GARIN5A: variants seen among roughly 807,000 people sequenced by gnomAD.
GARIN5A encodes the protein golgi associated RAB2 interactor 5A, also known as Golgi-associated RAB2 interactor protein 5A.
the GARIN5A span, chr19:50,467,900 T>TC: frequency 6.9e-7 from 1 of 1,445,242 alleles, no homozygotes; most frequent in Non-Finnish European, 9.5e-7. Flanking sequence ...GGGTCAGGGG[T>TC]CCCCACCTTG....
chr19:50,476,282 T>C, the GARIN5A span: 12 of 1,606,084 alleles, frequency 7.5e-6, 1 homozygote, highest in South Asian at 3.3e-5. Context: ...TGTGACGTCA[T>C]GATGCGGAGC....
the GARIN5A span, chr19:50,475,501 G>C: frequency 1.9e-6 from 3 of 1,539,474 alleles, no homozygotes; most frequent in Admixed American, 3.6e-5. Flanking sequence ...TGTCGGGGCA[G>C]AACTGAGGAG....
chr19:50,472,443 T>C, the GARIN5A span, among the ~76,000 whole-genome samples: 1 of 152,058 alleles, frequency 6.6e-6, no homozygotes, highest in Non-Finnish European at 1.5e-5. Flanking sequence ...CTCAATGTTC[T>C]CACTTCAGTG....
the GARIN5A span, chr19:50,475,482 C>A: frequency 6.3e-7 from 1 of 1,585,112 alleles, no homozygotes; most frequent in Non-Finnish European, 8.6e-7. Context: ...GAGGTCGGGG[C>A]AGGATAGATG....
At chr19:50,467,481 C>G in the GARIN5A span, 2 of 982,638 alleles carry the variant, frequency 2.0e-6, no homozygotes, top group Non-Finnish European at 3.0e-6. Context: ...GCTCTCTCCT[C>G]TCTTAGACCT....
At chr19:50,471,792 A>G in the GARIN5A span, among the ~76,000 whole-genome samples, 7 of 149,432 alleles carry the variant, frequency 4.7e-5, no homozygotes, top group African/African-American at 1.5e-4. Context: ...ATACGCATAC[A>G]TGCATGTGTA....
chr19:50,476,743 AGGCTGCGCAG>A, the GARIN5A span: 1 of 850,236 alleles, frequency 1.2e-6, no homozygotes, highest in Non-Finnish European at 1.7e-6. Context: ...AGACGGAAGG[AGGCTGCGCAG>A]GGCTGAGAGG....
chr19:50,471,602 ATATATATGTGTGTATATATATGTGTG>A, the GARIN5A span, among the ~76,000 whole-genome samples: 29 of 152,112 alleles, frequency 1.9e-4, no homozygotes, highest in Non-Finnish European at 3.2e-4. Context: ...GGATGGATCC[ATATATATGTGTGTATATATATGTGTG>A]TATACATGTG....
chr19:50,475,667 C>T, the GARIN5A span, among the ~76,000 whole-genome samples: 1 of 152,038 alleles, frequency 6.6e-6, no homozygotes, highest in African/African-American at 2.4e-5. Flanking sequence ...CCAGGGTTCA[C>T]AAAGAATCTA....
the GARIN5A span, chr19:50,475,468 G>A: frequency 3.1e-6 from 5 of 1,597,672 alleles, no homozygotes; most frequent in South Asian, 4.5e-5. Flanking sequence ...GGGGCCAGAG[G>A]TCAGAGGTCG....
At chr19:50,467,536 C>G in the GARIN5A span, 1 of 1,467,710 alleles carries the variant, frequency 6.8e-7, no homozygotes, top group South Asian at 1.3e-5. Context: ...TGCCCCACTG[C>G]GCTTCCCCCC....
chr19:50,475,863 G>T, the GARIN5A span: 1 of 1,613,952 alleles, frequency 6.2e-7, no homozygotes. Flanking sequence ...AGATGGGGAA[G>T]TCCCGAAACT....
At chr19:50,476,572 C>T in the GARIN5A span, 1 of 1,575,526 alleles carries the variant, frequency 6.3e-7, no homozygotes. Flanking sequence ...TGGGGCAACC[C>T]GGCTGCTCCT....
the GARIN5A span, among the ~76,000 whole-genome samples, chr19:50,472,224 A>C: frequency 1.1e-5 from 1 of 90,362 alleles, no homozygotes; most frequent in Non-Finnish European, 2.3e-5. Context: ...GTGTATGTAT[A>C]TATACATGTA....
the GARIN5A span, chr19:50,476,143 TG>T: frequency 6.2e-7 from 1 of 1,613,522 alleles, no homozygotes; most frequent in Non-Finnish European, 8.5e-7. Context: ...CCATCCCACC[TG>T]GTTCCACCTC....
chr19:50,472,138 G>GTATATATACGTGTGTA, the GARIN5A span, among the ~76,000 whole-genome samples: 1 of 139,306 alleles, frequency 7.2e-6, no homozygotes, highest in African/African-American at 2.9e-5. Context: ...GTGTGTATAT[G>GTATATATACGTGTGTA]TATGTATACG....
the GARIN5A span, chr19:50,476,546 T>C: frequency 8.3e-6 from 13 of 1,572,922 alleles, no homozygotes; most frequent in Non-Finnish European, 1.1e-5. Flanking sequence ...GAAGCCGAGA[T>C]GGCGGCAGCC....
chr19:50,476,266 GCGCA>G, the GARIN5A span: 2 of 1,610,398 alleles, frequency 1.2e-6, no homozygotes, highest in Non-Finnish European at 1.7e-6. Context: ...GCGGGACTAC[GCGCA>G]CTGTGACGTC....
At chr19:50,472,127 CGTGTGT>C in the GARIN5A span, among the ~76,000 whole-genome samples, 1 of 135,260 alleles carries the variant, frequency 7.4e-6, no homozygotes, top group African/African-American at 3.0e-5. Context: ...TGTATATATA[CGTGTGT>C]ATATGTATGT....
Sources: allele counts gnomAD v4.1 joint callset (sites outside exome capture counted in the v4.1 genomes callset), GRCh38; gene constraint gnomAD v4.1.1; transcripts MANE v1.5; gene names NCBI Gene and HGNC (gene_info 2026-07-23, HGNC 2026-07-21).